RASGRP1: variants seen among roughly 807,000 people sequenced by gnomAD.
The protein encoded by RASGRP1 is RAS guanyl releasing protein 1.
In RASGRP1, 37 loss-of-function variants were observed where a neutral mutation model predicts 95.1. The ratio of observed to expected loss-of-function variants is 0.39; its 90% confidence interval spans 0.30 to 0.51. RASGRP1 has a LOEUF of 0.51. Ranked by LOEUF, RASGRP1 falls within the 20% of genes least tolerant of loss-of-function variation. RASGRP1 has a pLI of 0.80. For missense variants in RASGRP1, 711 were observed against 965.4 expected, an observed-to-expected ratio of 0.74 and a Z score of 3.49; for synonymous variants, 325 against 353.4, an observed-to-expected ratio of 0.92 and a Z score of 0.90.
rs1003228100 is a variant in RASGRP1 at position 38,564,727 on chromosome 15, C to G, written c.-99G>C. Reference sequence around the variant, plus strand: ...CCGCCGCCTGCCGGCTCTCTCCCCCCCGGGCCTCGTAGCCCCGGCGCCCGC... The same window carrying G: ...CCGCCGCCTGCCGGCTCTCTCCCCCGCGGGCCTCGTAGCCCCGGCGCCCGC... On this transcript the variant is annotated 5_prime_UTR_variant, in exon 1 of 17. Coordinates refer to ENST00000310803, the MANE Select transcript of RASGRP1 (RefSeq NM_005739.4). 91 of 1,053,958 alleles carry G rather than the reference C, an allele frequency of 8.6e-5. No individual in the cohort carries two copies. The Admixed American group carries it at 1.0e-3, about 12-fold the overall frequency. The allele number at this position is 1,053,958 out of a possible 1,614,324, so 65.3% of individuals were successfully genotyped here. A position where few individuals can be genotyped will look rare whatever the true frequency, so the allele number is the denominator to read the frequency against.
intron 2 of RASGRP1, among the ~76,000 whole-genome samples, chr15:38,543,463 T>C (rs1176036860): frequency 1.3e-5 from 2 of 152,034 alleles, no homozygotes; most frequent in Admixed American, 6.6e-5. Context: ...TGAAAACAGG[T>C]AGTGTAAATT....
intron 2 of RASGRP1, among the ~76,000 whole-genome samples, chr15:38,553,947 T>C (rs1893439117): frequency 1.3e-5 from 2 of 152,178 alleles, no homozygotes; most frequent in South Asian, 4.1e-4. Context: ...TTTCCTAGGA[T>C]GTCTGAGAAA....
chr15:38,528,943 G>T lies in RASGRP1; in HGVS notation c.221-2539C>A, dbSNP rs143690903. Among the ~76,000 whole-genome samples, 287 of 152,120 alleles carry T rather than the reference G, an allele frequency of 1.9e-3. 1 individual carries two copies. Among genetic ancestry groups the T allele is most frequent in the African/African-American group, 6.7e-3 (278 of 41,498 alleles). Reference sequence around the variant, plus strand: ...CCCTCCCCTGAGTTCATTGTTCCTCGCATCTGCCTCATCTCCAGAAATGGC... The same window carrying T: ...CCCTCCCCTGAGTTCATTGTTCCTCTCATCTGCCTCATCTCCAGAAATGGC... On this transcript the variant is annotated intron_variant, in intron 2 of 16. Coordinates refer to ENST00000310803, the MANE Select transcript of RASGRP1 (RefSeq NM_005739.4).
intron 16 of RASGRP1, among the ~76,000 whole-genome samples, chr15:38,492,101 T>G (rs1414523777): frequency 6.6e-6 from 1 of 152,228 alleles, no homozygotes; most frequent in East Asian, 1.9e-4. Flanking sequence ...GAGTTCATTT[T>G]TCGAGGTTTC....
intron 2 of RASGRP1, among the ~76,000 whole-genome samples, chr15:38,553,071 G>C (rs1312107300): frequency 6.6e-6 from 1 of 152,196 alleles, no homozygotes. Context: ...ATTAAACCAA[G>C]CATGGGAACC....
At chr15:38,490,830 C>T (rs1890546107) in intron 16 of RASGRP1, 142 bp from the exon 17 acceptor site, 1 of 891,630 alleles carries the variant, frequency 1.1e-6, no homozygotes, top group Admixed American at 3.1e-5. Flanking sequence ...GTTATTTTGC[C>T]CTGAATAGAA....
At chr15:38,523,233 T>C (rs2141134895) in intron 3 of RASGRP1, among the ~76,000 whole-genome samples, 1 of 152,300 alleles carries the variant, frequency 6.6e-6, no homozygotes, top group African/African-American at 2.4e-5. Flanking sequence ...ACGGACCACA[T>C]ATATGACAGT....
At position 38,501,219 on chromosome 15, in the gene RASGRP1, A is replaced by C; in HGVS notation, c.1607T>G (p.Leu536Arg). Residue 536 changes from leucine to arginine, a missense_variant, in exon 13 of 17, where the codon CTG (leucine) becomes CGG (arginine). Leu to Arg is a moderately radical substitution (Grantham distance 102). Around this residue, in one of 3 missense-constraint regions of RASGRP1, gnomAD observed 491 missense variants for 676.6 expected, o/e 0.73. Coordinates refer to ENST00000310803, the MANE Select transcript of RASGRP1 (RefSeq NM_005739.4). ...FMRASSIYSK[L>R]GLGFPHNFQE... ...GAAGTTGTGAGGAAAGCCCAGGCCC[A>C]GCTTGGAATAGATTGAGCTGGCTCT... 1 of 1,613,238 alleles carries C rather than the reference A, an allele frequency of 6.2e-7. No homozygotes were observed. Among genetic ancestry groups the C allele is most frequent in the Non-Finnish European group, 8.5e-7 (1 of 1,179,360 alleles).
At chr15:38,496,646 ATTCT>A (rs1177970284) in intron 15 of RASGRP1, among the ~76,000 whole-genome samples, 90 of 152,366 alleles carry the variant, frequency 5.9e-4, no homozygotes, top group Admixed American at 1.3e-4. Context: ...TGATTAGCAT[ATTCT>A]TTCTTAGAAA....
intron 3 of RASGRP1, among the ~76,000 whole-genome samples, chr15:38,519,653 T>A (rs1362376450): frequency 2.0e-5 from 3 of 152,074 alleles, no homozygotes; most frequent in Non-Finnish European, 4.4e-5. Flanking sequence ...ATGAATCATG[T>A]AAAGAGGTCC....
At chr15:38,531,308 T>C (rs1023517584) in intron 2 of RASGRP1, among the ~76,000 whole-genome samples, 1 of 152,200 alleles carries the variant, frequency 6.6e-6, no homozygotes, top group African/African-American at 2.4e-5. Flanking sequence ...CCACTATACC[T>C]GGCTGCATGC....
intron 15 of RASGRP1, among the ~76,000 whole-genome samples, chr15:38,497,553 C>T (rs1401255912): frequency 2.0e-5 from 3 of 152,144 alleles, no homozygotes; most frequent in African/African-American, 7.2e-5. Flanking sequence ...CCATAAAGTC[C>T]CAACAGCCCC....
intron 8 of RASGRP1, among the ~76,000 whole-genome samples, chr15:38,509,451 G>T (rs62003602): frequency 0.011 from 1,706 of 152,342 alleles, 20 homozygotes; most frequent in Non-Finnish European, 0.019. Context: ...AATTGGCCAG[G>T]CGTGGTGGTT....
chr15:38,502,501 G>C, intron 11 of RASGRP1, 80 bp from the exon 12 acceptor site: 1 of 861,554 alleles, frequency 1.2e-6, no homozygotes, highest in Admixed American at 2.4e-5. Context: ...AAAGAGCTGG[G>C]GCAGTTGGAT....
intron 15 of RASGRP1, among the ~76,000 whole-genome samples, chr15:38,496,978 A>G (rs1322158705): frequency 6.6e-6 from 1 of 152,216 alleles, no homozygotes; most frequent in Non-Finnish European, 1.5e-5. Flanking sequence ...AGCTTATTTC[A>G]AAAGAGTAAT....
chr15:38,498,294 T>G (rs1261296455), intron 15 of RASGRP1, among the ~76,000 whole-genome samples: 1 of 152,202 alleles, frequency 6.6e-6, no homozygotes, highest in African/African-American at 2.4e-5. Flanking sequence ...ACCAGTAGCT[T>G]TAGCATCTAC....
chr15:38,557,674 T>G (rs1317832217), intron 2 of RASGRP1, among the ~76,000 whole-genome samples: 1 of 151,938 alleles, frequency 6.6e-6, no homozygotes, highest in Admixed American at 6.6e-5. Context: ...TCTCAGGTGT[T>G]GTAAGCTCTA....
chr15:38,497,023 A>G (rs1478073095), intron 15 of RASGRP1, among the ~76,000 whole-genome samples: 1 of 152,198 alleles, frequency 6.6e-6, no homozygotes, highest in Non-Finnish European at 1.5e-5. Flanking sequence ...GTTAAGCCCG[A>G]TTTTAAGTGC....
intron 2 of RASGRP1, among the ~76,000 whole-genome samples, chr15:38,556,457 T>C (rs1893555705): frequency 6.6e-6 from 1 of 152,258 alleles, no homozygotes; most frequent in African/African-American, 2.4e-5. Flanking sequence ...TCAGTGAGAC[T>C]TCTGAATGCC....
Sources: allele counts gnomAD v4.1 joint callset (sites outside exome capture counted in the v4.1 genomes callset), GRCh38; gene constraint gnomAD v4.1.1; regional missense constraint gnomAD v4.1.1; transcripts MANE v1.5; gene names NCBI Gene and HGNC (gene_info 2026-07-23, HGNC 2026-07-21).